The following SLC5A10 variants were observed in gnomAD, a reference collection of about 807,000 sequenced individuals.
SLC5A10 encodes the protein sodium/mannose cotransporter SLC5A10.
A neutral mutation model predicts 68.9 loss-of-function variants in SLC5A10; 55 were observed. The ratio of observed to expected loss-of-function variants is 0.80; its 90% CI spans 0.64 to 1.00. The LOEUF (loss-of-function observed/expected upper bound fraction) is 1.00. Among genes scored for constraint, SLC5A10 ranks in the 50% least tolerant of loss-of-function variants. SLC5A10 has a pLI of 0.00. For synonymous variants in SLC5A10, 344 were observed against 344.8 expected, an observed-to-expected ratio of 1.00 and a Z score of 0.02; for missense variants, 732 against 819.3, an observed-to-expected ratio of 0.89 and a Z score of 1.30.
chr17:18,980,024 A>C (rs2043089334), intron 9 of SLC5A10, among the ~76,000 whole-genome samples: 1 of 152,138 alleles, frequency 6.6e-6, no homozygotes, highest in Admixed American at 6.5e-5. Flanking sequence ...GGTGGATGCT[A>C]TGGTGGGGTC....
intron 5 of SLC5A10, among the ~76,000 whole-genome samples, chr17:18,967,855 C>T (rs1474879412): frequency 6.6e-6 from 1 of 152,078 alleles, no homozygotes; most frequent in African/African-American, 2.4e-5. Context: ...TCTACTTGGG[C>T]TGGAGGCAGA....
intron 9 of SLC5A10, among the ~76,000 whole-genome samples, chr17:18,987,146 G>A (rs1567797205): frequency 1.3e-5 from 2 of 152,224 alleles, no homozygotes; most frequent in Non-Finnish European, 2.9e-5. Flanking sequence ...TAACCAGACT[G>A]GCGGTGCCCC....
At chr17:18,957,471 T>TTTTA (rs1434112986) in intron 1 of SLC5A10, among the ~76,000 whole-genome samples, 1 of 136,360 alleles carries the variant, frequency 7.3e-6, no homozygotes, top group Non-Finnish European at 1.5e-5. Context: ...TTTTATTTTA[T>TTTTA]TTTATTTATT....
At chr17:19,006,175 C>T (rs181502496) in intron 9 of SLC5A10, among the ~76,000 whole-genome samples, 3 of 152,302 alleles carry the variant, frequency 2.0e-5, no homozygotes, top group Admixed American at 6.5e-5. Flanking sequence ...ACAATAATAT[C>T]ACAGCCAGAA....
chr17:18,998,720 C>T (rs1236365895), intron 9 of SLC5A10, among the ~76,000 whole-genome samples: 1 of 152,220 alleles, frequency 6.6e-6, no homozygotes, highest in Non-Finnish European at 1.5e-5. Flanking sequence ...GGAGTTAACA[C>T]CTGGGATTAC....
At position 19,003,045 on chromosome 17, in the gene SLC5A10, T is replaced by C. The variant is rs1188252887; in HGVS notation, c.983-10365T>C. Among the ~76,000 whole-genome samples, 1 of 152,066 alleles carries C rather than the reference T, an allele frequency of 6.6e-6. No homozygotes were observed. The highest frequency in any genetic ancestry group is 2.4e-5 in the African/African-American group (1 of 41,402). On this transcript the variant is annotated intron_variant, in intron 9 of 14. Coordinates refer to ENST00000395645, the MANE Select transcript of SLC5A10 (RefSeq NM_001042450.4). This position sits in a 1 kb window ranked among gnomAD's most constrained non-coding sequence, Gnocchi z 4.5. ...CAGCACAGCTAGGAAACAGGCAGTG[T>C]TGAACAAGGACCTCCAGGCCAGTCT...
At chr17:19,001,054 G>A (rs1024720273) in intron 9 of SLC5A10, among the ~76,000 whole-genome samples, 4 of 152,162 alleles carry the variant, frequency 2.6e-5, no homozygotes, top group African/African-American at 4.8e-5. Flanking sequence ...CCCTCTACCC[G>A]AGAACTAGCT....
intron 1 of SLC5A10, chr17:18,952,567 GC>G: frequency 2.4e-6 from 1 of 411,488 alleles, no homozygotes; most frequent in Non-Finnish European, 4.4e-6. Context: ...AGGTAACTGG[GC>G]TTTTGTGCTG....
chr17:18,978,564 G>C (rs959408707), intron 9 of SLC5A10: 6 of 1,613,262 alleles, frequency 3.7e-6, no homozygotes, highest in Non-Finnish European at 4.2e-6. Flanking sequence ...TTGGCCTCCT[G>C]CTTCTCAGAG....
At chr17:19,006,325 G>A (rs1163296873) in intron 9 of SLC5A10, among the ~76,000 whole-genome samples, 2 of 152,092 alleles carry the variant, frequency 1.3e-5, no homozygotes, top group Admixed American at 1.3e-4. Context: ...TTGAACTCCT[G>A]GGCTCAAGCC....
intron 9 of SLC5A10, among the ~76,000 whole-genome samples, chr17:18,984,933 G>A (rs184517290): frequency 2.6e-5 from 4 of 152,368 alleles, no homozygotes; most frequent in Admixed American, 6.5e-5. Flanking sequence ...GAATGGCTGG[G>A]AGCCCCACAT....
intron 11 of SLC5A10, among the ~76,000 whole-genome samples, chr17:19,015,627 G>C (rs1020731746): frequency 1.3e-5 from 2 of 152,224 alleles, no homozygotes; most frequent in African/African-American, 4.8e-5. Flanking sequence ...GCTCCAGCTT[G>C]TTTCCTCCCA....
intron 1 of SLC5A10, among the ~76,000 whole-genome samples, chr17:18,953,128 CTTTTTTT>C (rs34638037): frequency 8.0e-6 from 1 of 125,254 alleles, no homozygotes; most frequent in Non-Finnish European, 1.6e-5. Flanking sequence ...AGTACCCCTT[CTTTTTTT>C]TTTTTTTTTT....
At position 19,018,132 on chromosome 17, in the gene SLC5A10, C is replaced by T. The variant is rs2044178467; in HGVS notation, c.1242-1291C>T. 6.6e-6 allele frequency: 1 copy of T among 152,338 alleles called. No homozygotes were observed. Among genetic ancestry groups the T allele is most frequent in the African/African-American group, 2.4e-5 (1 of 41,434 alleles). The allele number at this position is 152,338 out of a possible 1,614,324, so 9.4% of individuals were successfully genotyped here. A position where few individuals can be genotyped will look rare whatever the true frequency, so the allele number is the denominator to read the frequency against. ...TCCTTCCTCCACCCTCTCCCTCAGGCCTAGAAGGGAAGAAAGGGAGGGAGG... is the reference window on the plus strand; with the variant it reads ...TCCTTCCTCCACCCTCTCCCTCAGGTCTAGAAGGGAAGAAAGGGAGGGAGG... On this transcript the variant is annotated intron_variant, in intron 11 of 14. Transcript: ENST00000395645. This position sits in a 1 kb window ranked among gnomAD's most constrained non-coding sequence, Gnocchi z 4.2.
At chr17:19,006,610 C>A (rs2043898325) in intron 9 of SLC5A10, among the ~76,000 whole-genome samples, 1 of 152,062 alleles carries the variant, frequency 6.6e-6, no homozygotes, top group Non-Finnish European at 1.5e-5. Context: ...ATTTGTGTAA[C>A]CACCATTACA....
At chr17:18,988,468 G>C in intron 9 of SLC5A10, 1 of 1,594,556 alleles carries the variant, frequency 6.3e-7, no homozygotes, top group Non-Finnish European at 8.6e-7. Flanking sequence ...AGTGGGGACA[G>C]GGTGCCCTGG....
Position 19,004,110 on chromosome 17 carries a change from CT to C in SLC5A10, c.983-9299del. 1 of 1,477,318 alleles carries C rather than the reference CT, an allele frequency of 6.8e-7. No homozygotes were observed. Among genetic ancestry groups the C allele is most frequent in the South Asian group, 1.4e-5 (1 of 74,000 alleles). 91.5% of individuals were successfully genotyped at this position (1,477,318 alleles called of 1,614,324 possible). On this transcript the variant is annotated intron_variant, in intron 9 of 14. Coordinates refer to ENST00000395645, the MANE Select transcript of SLC5A10 (RefSeq NM_001042450.4). The surrounding 1 kb of genome is among the most constrained non-coding windows in gnomAD (Gnocchi z 5.4). ...GGTCCAGCTCCTAGCTCCGGCCCAG[CT>C]GGGGCACCGCGCGCTCGGGGGCCTC...
At chr17:18,978,397 G>A (rs746619261) in intron 9 of SLC5A10, 18 of 1,590,050 alleles carry the variant, frequency 1.1e-5, no homozygotes, top group South Asian at 4.5e-5. Context: ...CCAGGATGTC[G>A]CTGCCAGGCT....
At chr17:18,995,542 G>A (rs1216369937) in intron 9 of SLC5A10, among the ~76,000 whole-genome samples, 2 of 152,132 alleles carry the variant, frequency 1.3e-5, no homozygotes, top group African/African-American at 2.4e-5. Context: ...GAAGGGTTGG[G>A]AGTGAGCGAG....
Sources: allele counts gnomAD v4.1 joint callset (sites outside exome capture counted in the v4.1 genomes callset), GRCh38; gene constraint gnomAD v4.1.1; non-coding constraint Gnocchi (gnomAD v3.1); transcripts MANE v1.5; gene names NCBI Gene and HGNC (gene_info 2026-07-23, HGNC 2026-07-21).